ANKRD27: variants seen among roughly 807,000 people sequenced by gnomAD.
The protein encoded by ANKRD27 is ankyrin repeat domain-containing protein 27.
Under a neutral mutation model 129.7 loss-of-function variants are expected in ANKRD27, and 112 were observed. The observed-to-expected ratio is 0.86, with a 90% confidence interval of 0.74 to 1.01. The LOEUF (loss-of-function observed/expected upper bound fraction) is 1.01, where lower values mean the gene tolerates loss of function less well. Among genes scored for constraint, ANKRD27 ranks in the 50% least tolerant of loss-of-function variants. The probability of loss-of-function intolerance (pLI) is 0.00; values close to 1 mark genes in which losing one functional copy is unlikely to be tolerated. For synonymous variants in ANKRD27, 516 were observed against 511.2 expected, an observed-to-expected ratio of 1.01 and a Z score of -0.13; for missense variants, 1,258 against 1,300.5, an observed-to-expected ratio of 0.97 and a Z score of 0.50.
intron 1 of ANKRD27, among the ~76,000 whole-genome samples, chr19:32,659,524 G>A (rs143755213): frequency 1.9e-3 from 289 of 152,286 alleles, no homozygotes; most frequent in African/African-American, 6.6e-3. Context: ...TGGCTAACGT[G>A]TAAATTATGC....
chr19:32,616,001 C>A (rs3760938), intron 21 of ANKRD27, among the ~76,000 whole-genome samples: 2 of 151,796 alleles, frequency 1.3e-5, no homozygotes, highest in Non-Finnish European at 2.9e-5. Context: ...TAAAAAAGGA[C>A]AGGAAGATTG....
intron 18 of ANKRD27, among the ~76,000 whole-genome samples, chr19:32,620,348 C>A (rs1487871157): frequency 6.6e-6 from 1 of 151,380 alleles, no homozygotes; most frequent in East Asian, 1.9e-4. Context: ...CACTTGAGGT[C>A]AGGAGTTCAA....
chr19:32,598,220 A>G lies in ANKRD27; in HGVS notation c.3078T>C (p.Asp1026=). 1 of 1,614,166 alleles carries G rather than the reference A, an allele frequency of 6.2e-7. No homozygotes were observed. The highest frequency in any genetic ancestry group is 1.1e-5 in the South Asian group (1 of 91,082). ...RRMLRRHTVE[D]AVVSQGPEAA... ...CCTCCGGGCCCTGGGACACGACCGCATCCTCTACCGTGTGTCTCCGCAGCA... is the reference window on the plus strand; with the variant it reads ...CCTCCGGGCCCTGGGACACGACCGCGTCCTCTACCGTGTGTCTCCGCAGCA... Residue 1026 remains aspartate, a synonymous_variant, in exon 29 of 29, where the codon GAT becomes GAC. Transcript: ENST00000306065.
chr19:32,619,586 C>T (rs761411738), intron 18 of ANKRD27, 33 bp from the exon 19 acceptor site: 9 of 1,612,834 alleles, frequency 5.6e-6, no homozygotes, highest in African/African-American at 5.3e-5. Context: ...AACAGTACCC[C>T]GTGAGATGGG....
intron 22 of ANKRD27, among the ~76,000 whole-genome samples, chr19:32,612,856 C>T (rs1971854537): frequency 6.6e-6 from 1 of 151,938 alleles, no homozygotes; most frequent in Admixed American, 6.6e-5. Context: ...TTAAAAAAAA[C>T]AGGAGAAAGT....
rs115207613 is a variant in ANKRD27, at chr19:32,598,410, G to A, written c.2920-32C>T. The A allele has an allele frequency of 3.2e-3, 5,156 of 1,602,466 alleles. 164 individuals are homozygous for A. In the African/African-American group the frequency reaches 0.062, roughly 19 times the overall value. ...AAAAAGTACATTTTTAACCGTTGAC[G>A]TCCTCACTGTACTGGAAGCCACAAC... On this transcript the variant is annotated intron_variant, in intron 28 of 28. Coordinates refer to ENST00000306065, the MANE Select transcript of ANKRD27 (RefSeq NM_032139.3).
rs905460530 is a variant in ANKRD27 at position 32,619,639 on chromosome 19, G to A, written c.1828-86C>T. ...GCCATCACCCACACGCCCCACTGCC[G>A]GCCTAGCTCCTCGGAATGTCAGTGC... On this transcript the variant is annotated intron_variant, in intron 18 of 28. Transcript: ENST00000306065. 3.7e-5 allele frequency: 56 copies of A among 1,503,952 alleles called. No individual in the cohort carries two copies. In the Middle Eastern group the frequency reaches 5.2e-4, roughly 14 times the overall value. The allele number at this position is 1,503,952 out of a possible 1,614,324, so 93.2% of individuals were successfully genotyped here.
chr19:32,632,594 A>G (rs1048560499), intron 12 of ANKRD27, among the ~76,000 whole-genome samples: 3 of 151,856 alleles, frequency 2.0e-5, no homozygotes, highest in Admixed American at 6.6e-5. Flanking sequence ...CAAAAAAAAA[A>G]AAAAAAAAAA....
chr19:32,599,910 A>T, intron 27 of ANKRD27, 62 bp downstream of exon 27: 1 of 1,523,682 alleles, frequency 6.6e-7, no homozygotes, highest in Non-Finnish European at 9.1e-7. Context: ...GAAGCAGCTT[A>T]CGTGCAGCTT....
At chr19:32,658,023 C>T (rs947065959) in intron 2 of ANKRD27, among the ~76,000 whole-genome samples, 16 of 152,206 alleles carry the variant, frequency 1.1e-4, no homozygotes, top group African/African-American at 1.7e-4. Flanking sequence ...TCAATTCCGG[C>T]GTCCGAGAGG....
chr19:32,652,621 G>C (rs1191544645), intron 2 of ANKRD27, among the ~76,000 whole-genome samples: 1 of 148,996 alleles, frequency 6.7e-6, no homozygotes. Flanking sequence ...TGCAGGAGCT[G>C]CATTTTATGA....
intron 28 of ANKRD27, 94 bp downstream of exon 28, chr19:32,599,610 A>T: frequency 9.0e-7 from 1 of 1,112,496 alleles, no homozygotes; most frequent in Non-Finnish European, 1.3e-6. Context: ...GGAATAATGA[A>T]GATGACGATC....
intron 10 of ANKRD27, among the ~76,000 whole-genome samples, chr19:32,641,490 G>A (rs1967199732): frequency 6.6e-6 from 1 of 152,008 alleles, no homozygotes; most frequent in Non-Finnish European, 1.5e-5. Flanking sequence ...CAATACAAAA[G>A]AGCAAACTGT....
In ANKRD27 at chr19:32,598,251, CTG is replaced by C; in HGVS notation, c.3045_3046del (p.His1015GlnfsTer31). 6.2e-7 allele frequency: 1 copy of C among 1,614,208 alleles called. No homozygotes were observed. The highest frequency in any genetic ancestry group is 1.1e-5 in the South Asian group (1 of 91,088). ...TACCGTGTGTCTCCGCAGCATCCGT[CTG>C]TGTCCAGGGCCAGTCTGTGTCAGTC... On this transcript the variant is annotated frameshift_variant, in exon 29 of 29. Transcript: ENST00000306065. LOFTEE classifies it low-confidence loss of function (END_TRUNC).
In ANKRD27 at chr19:32,644,343, CTT is replaced by C; in HGVS notation, c.505_506del (p.Lys169GlufsTer50). On this transcript the variant is annotated frameshift_variant, in exon 5 of 29. Transcript: ENST00000306065. LOFTEE classifies it high-confidence loss of function. ...TACTGACTATGTGGTGACGGAGGCT[CTT>C]TCTCTCGCATTCTCGGAATGTTCGA... is the stretch of plus-strand genomic sequence containing the variant. Reference protein sequence around the residue: ...FHRTFRECERKSLRHHIDSAN... With the variant: ...FHRTFRECERXSLRHHIDSAN... 6.2e-7 allele frequency: 1 copy of C among 1,613,256 alleles called. No homozygotes were observed. The highest frequency in any genetic ancestry group is 8.5e-7 in the Non-Finnish European group (1 of 1,179,864).
At chr19:32,632,927 C>A (rs1371338003) in intron 12 of ANKRD27, among the ~76,000 whole-genome samples, 1 of 152,170 alleles carries the variant, frequency 6.6e-6, no homozygotes, top group East Asian at 1.9e-4. Flanking sequence ...TCCCAGCAGT[C>A]CCCCAGGAGG....
intron 1 of ANKRD27, among the ~76,000 whole-genome samples, chr19:32,673,744 C>T (rs1202614886): frequency 2.0e-5 from 3 of 152,154 alleles, no homozygotes; most frequent in Admixed American, 1.3e-4. Flanking sequence ...TACTGCTCAC[C>T]CAGTTAAAGG....
chr19:32,598,303 T>A lies in ANKRD27; in HGVS notation c.2995A>T (p.Asn999Tyr), dbSNP rs148375756. The stretch of plus-strand genomic sequence containing the variant: ...CCAGGCCTCTCTGGCCAGTCGCTGT[T>A]GCCTTTCTCAGCAGCATGAGATCCA... ...QSGSHAAEKG[N>Y]SDWPERPGLT... The change falls in exon 29 of 29, where the codon AAC (asparagine) becomes TAC (tyrosine). Residue 999 changes from asparagine (N) to tyrosine (Y), a missense_variant. Coordinates refer to ENST00000306065, the MANE Select transcript of ANKRD27 (RefSeq NM_032139.3). 1.6e-4 allele frequency: 260 copies of A among 1,614,162 alleles called. No individual in the cohort carries two copies. Among genetic ancestry groups the A allele is most frequent in the Middle Eastern group, 1.5e-3 (9 of 6,062 alleles).
At chr19:32,659,768 G>A (rs1197701341) in intron 1 of ANKRD27, among the ~76,000 whole-genome samples, 1 of 152,072 alleles carries the variant, frequency 6.6e-6, no homozygotes, top group East Asian at 1.9e-4. Flanking sequence ...GTGGAAGCCA[G>A]GTGTGGTGGT....
Sources: gnomAD v4.1 joint callset for allele counts (sites outside exome capture counted in the v4.1 genomes callset) on GRCh38, gnomAD v4.1.1 for gene constraint, MANE v1.5 for transcripts, NCBI Gene and HGNC (gene_info 2026-07-23, HGNC 2026-07-21) for gene names.